KAT6A: variants seen among roughly 807,000 people sequenced by gnomAD.
KAT6A encodes the protein histone acetyltransferase KAT6A.
In KAT6A, 9 loss-of-function variants were observed where a neutral mutation model predicts 198.4. That is an observed-to-expected ratio of 0.05 (90% confidence interval 0.03 to 0.08). The LOEUF (loss-of-function observed/expected upper bound fraction) is 0.08. Among genes scored for constraint, KAT6A ranks in the 10% least tolerant of loss-of-function variants. The pLI is 1.00. For missense variants in KAT6A, 2,077 were observed against 2,509.9 expected (o/e 0.83, Z 3.69); for synonymous variants, 890 against 883.0 (o/e 1.01, Z -0.14).
intron 7 of KAT6A, among the ~76,000 whole-genome samples, chr8:41,975,925 TTAATC>T (rs1824027588): frequency 6.6e-6 from 1 of 152,246 alleles, no homozygotes; most frequent in Non-Finnish European, 1.5e-5. Context: ...CTTTCCTAGT[TTAATC>T]TAAACGGATT....
At chr8:42,022,922 G>A (rs1275144068) in intron 2 of KAT6A, among the ~76,000 whole-genome samples, 1 of 152,054 alleles carries the variant, frequency 6.6e-6, no homozygotes, top group Admixed American at 6.6e-5. Flanking sequence ...CTTAATGATG[G>A]GGATTCATGC....
chr8:41,967,910 T>A lies in KAT6A; in HGVS notation c.1482+6794A>T, dbSNP rs375199382. 4.6e-5 allele frequency among the ~76,000 whole-genome samples: 7 copies of A among 152,246 alleles called. No homozygotes were observed. The East Asian group carries it at 1.2e-3, about 25-fold the overall frequency. On this transcript the variant is annotated intron_variant, in intron 8 of 16. Coordinates refer to ENST00000265713, the MANE Select transcript of KAT6A (RefSeq NM_006766.5). ...ATTTAATAAATGGTGCTGGGAAAAC[T>A]GGCTACCCATATGTAGAAAGCTGAA... is the stretch of plus-strand genomic sequence containing the variant.
At position 41,933,012 on chromosome 8, in the gene KAT6A, T is replaced by C. The variant is rs147230777; in HGVS notation, c.5208A>G (p.Pro1736=). 4.1e-4 allele frequency: 666 copies of C among 1,614,102 alleles called. 2 individuals are homozygous for C. The highest frequency in any genetic ancestry group is 1.4e-4 in the Non-Finnish European group (169 of 1,180,028). ...TGNISIYERI[P]GDFGAGSYSQ... ...AGTAGCTGCCGGCACCAAAATCCCC[T>C]GGAATCCTCTCATAGATACTTATGT... Residue 1736 remains proline, a synonymous_variant, in exon 17 of 17, where the codon CCA becomes CCG. Transcript: ENST00000265713. This position sits in a 1 kb window ranked among gnomAD's most constrained non-coding sequence, Gnocchi z 6.2.
intron 2 of KAT6A, among the ~76,000 whole-genome samples, chr8:42,039,516 G>A (rs548889858): frequency 2.6e-5 from 4 of 152,214 alleles, no homozygotes; most frequent in African/African-American, 9.6e-5. Flanking sequence ...AAGACTGAAT[G>A]ATATAAATTT....
chr8:42,015,403 C>A (rs536284384), intron 2 of KAT6A, among the ~76,000 whole-genome samples: 2 of 152,214 alleles, frequency 1.3e-5, no homozygotes, highest in Admixed American at 6.5e-5. Context: ...AGATCCTATA[C>A]AAAGTCTTTC....
chr8:41,944,482 T>C (rs898402321), intron 12 of KAT6A, among the ~76,000 whole-genome samples: 2 of 152,202 alleles, frequency 1.3e-5, no homozygotes, highest in African/African-American at 4.8e-5. Context: ...CAAGCAGGAC[T>C]GCCAATATAA....
intron 12 of KAT6A, among the ~76,000 whole-genome samples, chr8:41,946,125 T>C (rs1822373086): frequency 6.6e-6 from 1 of 152,170 alleles, no homozygotes; most frequent in Admixed American, 6.6e-5. Context: ...AGACAGAGTC[T>C]TGCTCTGTGG....
chr8:42,033,797 A>G (rs982804500), intron 2 of KAT6A, among the ~76,000 whole-genome samples: 9 of 152,208 alleles, frequency 5.9e-5, no homozygotes, highest in African/African-American at 2.2e-4. Context: ...AATACATATG[A>G]AACAACCCAA....
chr8:41,956,891 C>T (rs1255468700), intron 8 of KAT6A, among the ~76,000 whole-genome samples: 2 of 152,216 alleles, frequency 1.3e-5, no homozygotes, highest in Admixed American at 1.3e-4. Flanking sequence ...CTAGAATCAA[C>T]TACTCTAACT....
intron 8 of KAT6A, among the ~76,000 whole-genome samples, chr8:41,969,596 A>C (rs2150881261): frequency 6.6e-6 from 1 of 152,330 alleles, no homozygotes; most frequent in Middle Eastern, 3.4e-3. Context: ...GTGGTTTCCC[A>C]GCTTCCACTC....
At chr8:41,974,547 G>C in intron 8 of KAT6A, 157 bp downstream of exon 8, 1 of 475,392 alleles carries the variant, frequency 2.1e-6, no homozygotes, top group Non-Finnish European at 3.8e-6. Flanking sequence ...GGTTTGAAAG[G>C]AATATTATAA....
At chr8:42,040,709 T>A (rs1827616609) in intron 2 of KAT6A, among the ~76,000 whole-genome samples, 1 of 106,694 alleles carries the variant, frequency 9.4e-6, no homozygotes, top group Non-Finnish European at 1.7e-5. Flanking sequence ...CACTCCAGCC[T>A]AAGTGACAAG....
At chr8:41,996,481 T>C (rs779061959) in intron 2 of KAT6A, among the ~76,000 whole-genome samples, 3 of 152,200 alleles carry the variant, frequency 2.0e-5, no homozygotes, top group Non-Finnish European at 4.4e-5. Context: ...TAGATTTAAA[T>C]ACAAAACATC....
intron 12 of KAT6A, among the ~76,000 whole-genome samples, chr8:41,944,847 T>G (rs949346645): frequency 6.6e-6 from 1 of 152,208 alleles, no homozygotes; most frequent in African/African-American, 2.4e-5. Context: ...GGAAGTAATC[T>G]GAGTTCCATC....
intron 2 of KAT6A, among the ~76,000 whole-genome samples, chr8:41,992,872 A>G (rs1209780932): frequency 6.6e-6 from 1 of 152,208 alleles, no homozygotes; most frequent in Non-Finnish European, 1.5e-5. Flanking sequence ...ATTACTACTT[A>G]ACGAAGCAAA....
chr8:42,012,898 T>C (rs568421230), intron 2 of KAT6A, among the ~76,000 whole-genome samples: 43 of 152,196 alleles, frequency 2.8e-4, no homozygotes, highest in African/African-American at 9.9e-4. Flanking sequence ...AACAAACTAT[T>C]GACAACTACA....
At chr8:41,944,057 C>T in intron 12 of KAT6A, 78 bp from the exon 13 acceptor site, 1 of 918,890 alleles carries the variant, frequency 1.1e-6, no homozygotes, top group Non-Finnish European at 1.7e-6. Flanking sequence ...TAACAATCCC[C>T]TCTTCTACAA....
intron 8 of KAT6A, chr8:41,958,369 A>C (rs1222629820): frequency 6.6e-6 from 1 of 152,198 alleles, no homozygotes; most frequent in African/African-American, 2.4e-5. Flanking sequence ...TGAAAAAATA[A>C]GCCTCAGATA....
intron 2 of KAT6A, among the ~76,000 whole-genome samples, chr8:42,037,862 G>A (rs2150925659): frequency 6.6e-6 from 1 of 152,226 alleles, no homozygotes; most frequent in Admixed American, 6.5e-5. Flanking sequence ...CAGCAAAGCA[G>A]AAGTGATGCA....
Sources: gnomAD v4.1 joint callset for allele counts (sites outside exome capture counted in the v4.1 genomes callset) on GRCh38, gnomAD v4.1.1 for gene constraint, Gnocchi (gnomAD v3.1) non-coding constraint, MANE v1.5 for transcripts, NCBI Gene and HGNC (gene_info 2026-07-23, HGNC 2026-07-21) for gene names.